Variants in MOB3B observed in about 807,000 individuals in gnomAD.
MOB3B encodes MOB kinase activator-like 2B.
MOB3B carries 7 observed loss-of-function variants against 18.7 expected under a neutral mutation model. That is an observed-to-expected ratio of 0.37 (90% CI 0.21 to 0.70). The LOEUF (loss-of-function observed/expected upper bound fraction) is 0.70. Among genes scored for constraint, MOB3B ranks in the 30% least tolerant of loss-of-function variants. The pLI is 0.52. For missense variants in MOB3B, 253 were observed against 281.3 expected (o/e 0.90, Z 0.72); for synonymous variants, 111 against 99.9 (o/e 1.11, Z -0.66).
chr9:27,463,304 C>A (rs958589960), intron 1 of MOB3B, among the ~76,000 whole-genome samples: 2 of 152,048 alleles, frequency 1.3e-5, no homozygotes, highest in African/African-American at 4.8e-5. Context: ...ACCTAATTTA[C>A]GCTTAAGGAA....
At chr9:27,430,334 G>C (rs954620272) in intron 2 of MOB3B, among the ~76,000 whole-genome samples, 3 of 152,034 alleles carry the variant, frequency 2.0e-5, no homozygotes, top group Non-Finnish European at 4.4e-5. Context: ...AGGAAAGCAG[G>C]CCCCAAAGGC....
At chr9:27,453,559 A>C (rs1425161118) in intron 2 of MOB3B, among the ~76,000 whole-genome samples, 1 of 152,180 alleles carries the variant, frequency 6.6e-6, no homozygotes, top group Non-Finnish European at 1.5e-5. Context: ...TTCCAGCCAG[A>C]CAGCCAGAAA....
chr9:27,524,720 C>A, intron 1 of MOB3B: 1 of 1,613,920 alleles, frequency 6.2e-7, no homozygotes, highest in South Asian at 1.1e-5. Context: ...TGAACCAATG[C>A]TTGGAGGAAG....
At chr9:27,403,812 A>C (rs934451686) in intron 2 of MOB3B, among the ~76,000 whole-genome samples, 1 of 152,178 alleles carries the variant, frequency 6.6e-6, no homozygotes, top group African/African-American at 2.4e-5. Context: ...ATGGATACAT[A>C]ATAGTTGTAC....
intron 1 of MOB3B, among the ~76,000 whole-genome samples, chr9:27,516,998 G>A (rs1274723694): frequency 1.3e-5 from 2 of 152,102 alleles, no homozygotes; most frequent in Non-Finnish European, 2.9e-5. Flanking sequence ...CTCAGCTGGT[G>A]GCACGATCAT....
intron 3 of MOB3B, among the ~76,000 whole-genome samples, chr9:27,337,219 AG>A (rs1820877341): frequency 6.6e-6 from 1 of 152,240 alleles, no homozygotes; most frequent in Non-Finnish European, 1.5e-5. Flanking sequence ...AAGGCCCTCT[AG>A]GGGTAGAGGC....
chr9:27,405,033 C>T (rs1375829444), intron 2 of MOB3B, among the ~76,000 whole-genome samples: 1 of 141,820 alleles, frequency 7.1e-6, no homozygotes, highest in African/African-American at 2.6e-5. Context: ...AACATATTTT[C>T]ATGTACCTGT....
At chr9:27,476,658 C>A (rs1199925265) in intron 1 of MOB3B, among the ~76,000 whole-genome samples, 1 of 152,160 alleles carries the variant, frequency 6.6e-6, no homozygotes, top group Non-Finnish European at 1.5e-5. Flanking sequence ...AAAACAACTG[C>A]CTTTGCAATC....
Position 27,359,250 on chromosome 9 carries a change from AAAG to A in MOB3B, c.419-17_419-15del. The A allele has an allele frequency of 6.2e-7, 1 of 1,609,668 alleles. No homozygotes were observed. The highest frequency in any genetic ancestry group is 8.5e-7 in the Non-Finnish European group (1 of 1,176,092). On this transcript the variant is annotated splice_polypyrimidine_tract_variant and intron_variant, in intron 2 of 3. Transcript: ENST00000262244. ...GGAAGGGAACACCTAGAGAAGAAAA[AAAG>A]AAGAAAGAATGAAACCATGATGGGA... is the stretch of plus-strand genomic sequence containing the variant.
intron 1 of MOB3B, among the ~76,000 whole-genome samples, chr9:27,517,906 G>A (rs1563888613): frequency 1.3e-5 from 2 of 152,064 alleles, no homozygotes; most frequent in Admixed American, 1.3e-4. Flanking sequence ...CCCATTCCAA[G>A]CTTCTTCTCA....
intron 3 of MOB3B, among the ~76,000 whole-genome samples, chr9:27,357,888 CAAAAAAAAAAAAAAAAAAAA>C (rs58851638): frequency 1.7e-5 from 1 of 57,944 alleles, no homozygotes; most frequent in Non-Finnish European, 3.2e-5. Context: ...CCCATCGCTA[CAAAAAAAAAAAAAAAAAAAA>C]AAAAAAAAAA....
In MOB3B at chr9:27,479,836, G is replaced by T. The variant is rs73437148; in HGVS notation, c.-198-24088C>A. 8.2e-3 allele frequency among the ~76,000 whole-genome samples: 1,253 copies of T among 152,316 alleles called. 19 individuals carry two copies. The highest frequency in any genetic ancestry group is 0.028 in the African/African-American group (1,166 of 41,570). ...TTTGGGAGGCCAAGGCAGGAGGTTT[G>T]CTTCAGGCCAGGAGTTTAAGGCCAG... is the stretch of plus-strand genomic sequence containing the variant. On this transcript the variant is annotated intron_variant, in intron 1 of 3. Coordinates refer to ENST00000262244, the MANE Select transcript of MOB3B (RefSeq NM_024761.5).
At chr9:27,433,791 C>T (rs1007514542) in intron 2 of MOB3B, among the ~76,000 whole-genome samples, 1 of 152,168 alleles carries the variant, frequency 6.6e-6, no homozygotes, top group African/African-American at 2.4e-5. Flanking sequence ...CAGTAATAAA[C>T]CTGCTAAACT....
intron 3 of MOB3B, among the ~76,000 whole-genome samples, chr9:27,339,016 G>A (rs1445958309): frequency 1.3e-5 from 2 of 152,182 alleles, no homozygotes; most frequent in East Asian, 1.9e-4. Flanking sequence ...ATTCCCAGCT[G>A]TTTGTGTGAG....
At chr9:27,409,870 C>A in intron 2 of MOB3B, among the ~76,000 whole-genome samples, 1 of 148,624 alleles carries the variant, frequency 6.7e-6, no homozygotes, top group East Asian at 2.0e-4. Context: ...TTGCCTAGAA[C>A]AGAAAAATTC....
intron 3 of MOB3B, among the ~76,000 whole-genome samples, chr9:27,330,964 G>GCCACT (rs1820779450): frequency 6.6e-6 from 1 of 152,100 alleles, no homozygotes; most frequent in Non-Finnish European, 1.5e-5. Flanking sequence ...CCCAGTCCTT[G>GCCACT]CCACTCCCAC....
intron 1 of MOB3B, among the ~76,000 whole-genome samples, chr9:27,476,925 C>G (rs1052169055): frequency 7.2e-5 from 11 of 152,318 alleles, no homozygotes; most frequent in African/African-American, 2.6e-4. Context: ...GACTCAAAGA[C>G]TCCTCCAAGA....
At chr9:27,513,047 T>C (rs1438322429) in intron 1 of MOB3B, among the ~76,000 whole-genome samples, 1 of 152,200 alleles carries the variant, frequency 6.6e-6, no homozygotes, top group Non-Finnish European at 1.5e-5. Flanking sequence ...GGAGCTAACC[T>C]AGTTTAAGGC....
At chr9:27,509,869 C>T (rs758511341) in intron 1 of MOB3B, among the ~76,000 whole-genome samples, 16 of 152,126 alleles carry the variant, frequency 1.1e-4, no homozygotes, top group East Asian at 1.9e-4. Context: ...GGATTACAGG[C>T]GCGCAGCACC....
Sources: gnomAD v4.1 joint callset for allele counts (sites outside exome capture counted in the v4.1 genomes callset) on GRCh38, gnomAD v4.1.1 for gene constraint, MANE v1.5 for transcripts, NCBI Gene and HGNC (gene_info 2026-07-23, HGNC 2026-07-21) for gene names.